RERE: variants seen among roughly 807,000 people sequenced by gnomAD.
RERE encodes the protein arginine-glutamic acid dipeptide repeats.
A neutral mutation model predicts 146.1 loss-of-function variants in RERE; 40 were observed. The ratio of observed to expected loss-of-function variants is 0.27; its 90% CI spans 0.21 to 0.36. The LOEUF (loss-of-function observed/expected upper bound fraction) is 0.36. RERE is among the 10% of genes least tolerant of loss of function. The pLI is 1.00. For synonymous variants in RERE, 1,003 were observed against 866.0 expected (o/e 1.16, Z -2.78); for missense variants, 1,933 against 2,138.7 (o/e 0.90, Z 1.90).
chr1:8,554,352 G>A (rs376796785), intron 6 of RERE, among the ~76,000 whole-genome samples: 4 of 152,066 alleles, frequency 2.6e-5, no homozygotes, highest in Admixed American at 1.3e-4. Context: ...GAGACAAGAC[G>A]GAAACAGGAA....
At chr1:8,501,150 G>A (rs1226166658) in intron 8 of RERE, among the ~76,000 whole-genome samples, 21 of 146,080 alleles carry the variant, frequency 1.4e-4, no homozygotes, top group Admixed American at 3.4e-4. Flanking sequence ...CAGCTGCCCC[G>A]TCCGGGAGGG....
At chr1:8,592,026 A>G (rs974755039) in intron 4 of RERE, among the ~76,000 whole-genome samples, 3 of 152,254 alleles carry the variant, frequency 2.0e-5, no homozygotes, top group Non-Finnish European at 2.9e-5. Context: ...TATAGAAGGA[A>G]AAAACACTGT....
intron 12 of RERE, among the ~76,000 whole-genome samples, chr1:8,375,737 C>G (rs1040928222): frequency 7.2e-6 from 1 of 138,872 alleles, no homozygotes. Context: ...ACTGAAAATG[C>G]TTCCTCACTC....
intron 4 of RERE, among the ~76,000 whole-genome samples, chr1:8,558,103 A>G (rs143320814): frequency 1.3e-5 from 2 of 152,350 alleles, no homozygotes; most frequent in East Asian, 3.9e-4. Context: ...TGATGAAGGT[A>G]CTATGAGTCC....
At chr1:8,561,755 G>A (rs1363778998) in intron 4 of RERE, among the ~76,000 whole-genome samples, 1 of 152,228 alleles carries the variant, frequency 6.6e-6, no homozygotes, top group Non-Finnish European at 1.5e-5. Context: ...GAAGAAGAGA[G>A]CATCCCCTCC....
At chr1:8,506,510 A>G (rs1410949434) in intron 8 of RERE, among the ~76,000 whole-genome samples, 2 of 152,228 alleles carry the variant, frequency 1.3e-5, no homozygotes, top group Non-Finnish European at 1.5e-5. Flanking sequence ...CAAAATCTAG[A>G]CAGAAATAAT....
chr1:8,385,993 A>AAAT (rs1553159741), intron 12 of RERE, among the ~76,000 whole-genome samples: 9 of 26,478 alleles, frequency 3.4e-4, no homozygotes, highest in Admixed American at 7.2e-4. Context: ...AAAAAAAAAA[A>AAAT]ATATATATAT....
At chr1:8,385,995 T>A (rs12743670) in intron 12 of RERE, among the ~76,000 whole-genome samples, 1,712 of 25,058 alleles carry the variant, frequency 0.068, 40 homozygotes, top group Admixed American at 0.073. Flanking sequence ...AAAAAAAAAA[T>A]ATATATATAT....
At chr1:8,472,122 T>C (rs917633060) in intron 10 of RERE, among the ~76,000 whole-genome samples, 11 of 152,218 alleles carry the variant, frequency 7.2e-5, no homozygotes, top group African/African-American at 2.7e-4. Flanking sequence ...AAAGTTTTTC[T>C]TTCTTTAGAT....
chr1:8,817,237 G>C lies in RERE; in HGVS notation c.-222C>G, dbSNP rs371722363. 1 of 152,612 alleles carries C rather than the reference G, an allele frequency of 6.6e-6. No individual in the cohort carries two copies. The highest frequency in any genetic ancestry group is 1.9e-4 in the East Asian group (1 of 5,194). 9.5% of individuals were successfully genotyped at this position (152,612 alleles called of 1,614,324 possible). A position where few individuals can be genotyped will look rare whatever the true frequency, so the allele number is the denominator to read the frequency against. ...GGGGAAAGTGGCGGGGATGGGGCGG[G>C]AGGCCGCGCGGAGGCTGCGGGGCCG... is the stretch of plus-strand genomic sequence containing the variant. On this transcript the variant is annotated 5_prime_UTR_variant, in exon 1 of 23. Transcript: ENST00000400908.
At chr1:8,404,126 G>C (rs1643364140) in intron 12 of RERE, among the ~76,000 whole-genome samples, 1 of 151,688 alleles carries the variant, frequency 6.6e-6, no homozygotes, top group South Asian at 2.1e-4. Flanking sequence ...GCTGCACCCA[G>C]CTTTTTTTTA....
chr1:8,660,666 T>C (rs1205451939), intron 1 of RERE, among the ~76,000 whole-genome samples: 1 of 152,142 alleles, frequency 6.6e-6, no homozygotes, highest in Non-Finnish European at 1.5e-5. Context: ...CACCAACTTC[T>C]CCTACATTCA....
chr1:8,737,583 A>ATT (rs5772334), intron 1 of RERE, among the ~76,000 whole-genome samples: 32 of 147,960 alleles, frequency 2.2e-4, no homozygotes, highest in Non-Finnish European at 2.7e-4. Flanking sequence ...AGGAAGCAGA[A>ATT]TTTTTTTTTT....
At chr1:8,783,283 C>T (rs1241637242) in intron 1 of RERE, among the ~76,000 whole-genome samples, 5 of 151,940 alleles carry the variant, frequency 3.3e-5, no homozygotes, top group African/African-American at 9.7e-5. Flanking sequence ...TGCAGTGAGC[C>T]GTGTTCACAC....
At chr1:8,545,589 A>G (rs1329447532) in intron 6 of RERE, among the ~76,000 whole-genome samples, 2 of 152,150 alleles carry the variant, frequency 1.3e-5, no homozygotes, top group African/African-American at 2.4e-5. Flanking sequence ...TGTTTACAGT[A>G]GCAAATCTGT....
chr1:8,484,020 A>G (rs576561194), intron 10 of RERE, among the ~76,000 whole-genome samples: 1 of 152,342 alleles, frequency 6.6e-6, no homozygotes, highest in South Asian at 2.1e-4. Context: ...TTTGAATTGT[A>G]TTAGAAACCA....
chr1:8,785,057 G>T (rs1641235698), intron 1 of RERE, among the ~76,000 whole-genome samples: 1 of 152,106 alleles, frequency 6.6e-6, no homozygotes, highest in South Asian at 2.1e-4. Flanking sequence ...TCCAAAGTAG[G>T]GGAGTAGAAC....
chr1:8,673,158 C>T (rs922807286), intron 1 of RERE, among the ~76,000 whole-genome samples: 2 of 152,268 alleles, frequency 1.3e-5, no homozygotes, highest in Non-Finnish European at 1.5e-5. Context: ...TTCAATGGCA[C>T]GATCTCAGCT....
At chr1:8,404,331 T>C (rs1192382241) in intron 12 of RERE, among the ~76,000 whole-genome samples, 3 of 151,648 alleles carry the variant, frequency 2.0e-5, no homozygotes, top group East Asian at 3.9e-4. Flanking sequence ...GGCAGGAGAA[T>C]GGCATGAACC....
Sources: allele counts gnomAD v4.1 joint callset (sites outside exome capture counted in the v4.1 genomes callset), GRCh38; gene constraint gnomAD v4.1.1; transcripts MANE v1.5; gene names NCBI Gene and HGNC (gene_info 2026-07-23, HGNC 2026-07-21).